The following NEDD4L variants were observed in gnomAD, a reference collection of about 807,000 sequenced individuals.
NEDD4L encodes E3 ubiquitin-protein ligase NEDD4-like.
A neutral mutation model predicts 148.9 loss-of-function variants in NEDD4L; 54 were observed. The observed-to-expected ratio is 0.36, with a 90% CI of 0.29 to 0.45. The LOEUF is 0.45. Among genes scored for constraint, NEDD4L ranks in the 20% least tolerant of loss-of-function variants. The pLI, the probability that NEDD4L is intolerant of heterozygous loss-of-function variation, is 1.00. For missense variants in NEDD4L, 856 were observed against 1,233.8 expected (o/e 0.69, Z 4.59); for synonymous variants, 433 against 440.7 (o/e 0.98, Z 0.22).
At chr18:58,045,614 T>A (rs1302831529) in intron 1 of NEDD4L, 1 of 152,678 alleles carries the variant, frequency 6.5e-6, no homozygotes, top group African/African-American at 2.4e-5. Context: ...CGGCTCTTAT[T>A]GGTATGTTGC....
At chr18:58,224,127 G>A (rs973455613) in intron 2 of NEDD4L, among the ~76,000 whole-genome samples, 5 of 152,188 alleles carry the variant, frequency 3.3e-5, no homozygotes, top group Non-Finnish European at 7.4e-5. Context: ...CATGGAAAAC[G>A]CACCGCTTTC....
At chr18:58,166,090 T>G (rs913411924) in intron 2 of NEDD4L, among the ~76,000 whole-genome samples, 8 of 152,236 alleles carry the variant, frequency 5.3e-5, no homozygotes, top group African/African-American at 1.4e-4. Flanking sequence ...CAGCCTGTTC[T>G]TCACATGGGC....
chr18:58,178,863 TTAAAACTAGGCGTTCATGGTAGGAAAG>T lies in NEDD4L; in HGVS notation c.122+13005_122+13031del, dbSNP rs1275086802. ...TTAAGCTTCTGTGACTTTTAGATGC[TTAAAACTAGGCGTTCATGGTAGGAAAG>T]TAGAGAAACATGTGGAAGAAATACT... On this transcript the variant is annotated intron_variant, in intron 2 of 30. Coordinates refer to ENST00000400345, the MANE Select transcript of NEDD4L (RefSeq NM_001144967.3). 5.3e-5 allele frequency among the ~76,000 whole-genome samples: 8 copies of T among 152,364 alleles called. No individual in the cohort carries two copies. The East Asian group carries it at 1.5e-3, about 29-fold the overall frequency.
At chr18:58,276,033 C>T (rs1248131352) in intron 5 of NEDD4L, among the ~76,000 whole-genome samples, 1 of 152,158 alleles carries the variant, frequency 6.6e-6, no homozygotes, top group Non-Finnish European at 1.5e-5. Flanking sequence ...CCTCTTCTGA[C>T]ACTTTTTAAA....
rs189310922 is a variant in NEDD4L, at chr18:58,204,924, A to T, written c.122+39063A>T. On this transcript the variant is annotated intron_variant, in intron 2 of 30. Coordinates refer to ENST00000400345, the MANE Select transcript of NEDD4L (RefSeq NM_001144967.3). ...AGAGTATGATGAAGAAAGGGAAAAA[A>T]TAGATCAAAAAATGGCAGGGGAGGA... Among the ~76,000 whole-genome samples, 1,074 of 152,312 alleles carry T rather than the reference A, an allele frequency of 7.1e-3. 26 individuals carry two copies. The highest frequency in any genetic ancestry group is 4.7e-3 in the Non-Finnish European group (319 of 68,028).
chr18:58,067,288 G>T (rs1276086877), intron 1 of NEDD4L, among the ~76,000 whole-genome samples: 2 of 152,212 alleles, frequency 1.3e-5, no homozygotes, highest in African/African-American at 2.4e-5. Context: ...ACAAGTGTTT[G>T]AATTTAATTT....
intron 1 of NEDD4L, among the ~76,000 whole-genome samples, chr18:58,054,397 GT>G (rs1751508750): frequency 6.6e-6 from 1 of 152,124 alleles, no homozygotes; most frequent in African/African-American, 2.4e-5. Context: ...ATCTTGCCCA[GT>G]TTGTTTTGGG....
chr18:58,317,075 T>A (rs2058353574), intron 6 of NEDD4L, among the ~76,000 whole-genome samples: 1 of 152,256 alleles, frequency 6.6e-6, no homozygotes, highest in South Asian at 2.1e-4. Context: ...AGGAAGGTGA[T>A]AGCAAGTAAT....
At chr18:58,098,283 C>A (rs2084547157) in intron 1 of NEDD4L, among the ~76,000 whole-genome samples, 1 of 152,040 alleles carries the variant, frequency 6.6e-6, no homozygotes, top group Admixed American at 6.6e-5. Flanking sequence ...TGGGAGGGAC[C>A]CTGCAAGAAG....
chr18:58,231,905 G>A (rs2045287542), intron 2 of NEDD4L, among the ~76,000 whole-genome samples: 1 of 152,168 alleles, frequency 6.6e-6, no homozygotes, highest in African/African-American at 2.4e-5. Flanking sequence ...CCACCTAATA[G>A]AAAGTCGGAA....
Position 58,256,834 on chromosome 18 carries a change from G to T in NEDD4L, c.297+4780G>T. 8.2e-7 allele frequency: 1 copy of T among 1,216,970 alleles called. No individual in the cohort carries two copies. The highest frequency in any genetic ancestry group is 1.0e-6 in the Non-Finnish European group (1 of 974,682). 75.4% of individuals were successfully genotyped at this position (1,216,970 alleles called of 1,614,324 possible). ...TTTCAACTTCGATGCTTACTCTGCG[G>T]CGTAACCAAAATAAAACCTCACCCT... On this transcript the variant is annotated intron_variant, in intron 5 of 30. Coordinates refer to ENST00000400345, the MANE Select transcript of NEDD4L (RefSeq NM_001144967.3). The surrounding 1 kb of genome is among the most constrained non-coding windows in gnomAD (Gnocchi z 5.2).
In NEDD4L at chr18:58,255,871, C is replaced by G. The variant is rs2048460196; in HGVS notation, c.297+3817C>G. 2.4e-6 allele frequency: 3 copies of G among 1,232,284 alleles called. No homozygotes were observed. The African/African-American group carries it at 4.7e-5, about 19-fold the overall frequency. The allele number at this position is 1,232,284 out of a possible 1,614,324, so 76.3% of individuals were successfully genotyped here. On this transcript the variant is annotated intron_variant, in intron 5 of 30. Coordinates refer to ENST00000400345, the MANE Select transcript of NEDD4L (RefSeq NM_001144967.3). ...GCTCGTCCATGTTCATCCCGCAGCT[C>G]TTGACCAGCATCGACGCCCGCCCCA...
Position 58,082,039 on chromosome 18 carries a change from A to G in NEDD4L, c.48+37331A>G, listed in dbSNP as rs538993155. Among the ~76,000 whole-genome samples, 111 of 145,534 alleles carry G rather than the reference A, an allele frequency of 7.6e-4. 3 individuals carry two copies. The South Asian group carries it at 0.022, about 29-fold the overall frequency. On this transcript the variant is annotated intron_variant, in intron 1 of 30. Coordinates refer to ENST00000400345, the MANE Select transcript of NEDD4L (RefSeq NM_001144967.3). ...AAATGATTGTAATCCAGGACTAAATATACAGTTTGCAGTCTTTTTATTCTA... is the reference window on the plus strand; with the variant it reads ...AAATGATTGTAATCCAGGACTAAATGTACAGTTTGCAGTCTTTTTATTCTA...
chr18:58,047,405 G>C, intron 1 of NEDD4L: 1 of 985,072 alleles, frequency 1.0e-6, no homozygotes, highest in Non-Finnish European at 1.2e-6. Flanking sequence ...TCTCTGCACT[G>C]CTGATGATGA....
intron 2 of NEDD4L, among the ~76,000 whole-genome samples, chr18:58,191,793 G>A (rs1200618899): frequency 6.6e-6 from 1 of 152,204 alleles, no homozygotes; most frequent in African/African-American, 2.4e-5. Flanking sequence ...AAACCCCAGT[G>A]CTTCAAGGGG....
At chr18:58,232,158 G>C (rs969582156) in intron 2 of NEDD4L, among the ~76,000 whole-genome samples, 2 of 152,218 alleles carry the variant, frequency 1.3e-5, no homozygotes, top group African/African-American at 4.8e-5. Context: ...TCAAGCATGT[G>C]CTCTGACGAG....
In NEDD4L at chr18:58,370,461, A is replaced by G; in HGVS notation, c.2250A>G (p.Glu750=). ...LGKQITLNDM[E]SVDSEYYNSL... Reference sequence around the variant, plus strand: ...AGCAGATAACCCTGAATGACATGGAATCTGTGGTAAGTAAATGCACGTCAC... The same window carrying G: ...AGCAGATAACCCTGAATGACATGGAGTCTGTGGTAAGTAAATGCACGTCAC... Residue 750 remains glutamate, a synonymous_variant, in exon 23 of 31, where the codon GAA becomes GAG. Coordinates refer to ENST00000400345, the MANE Select transcript of NEDD4L (RefSeq NM_001144967.3). 1 of 1,605,024 alleles carries G rather than the reference A, an allele frequency of 6.2e-7. No homozygotes were observed. The highest frequency in any genetic ancestry group is 1.1e-5 in the South Asian group (1 of 90,904).
At position 58,323,227 on chromosome 18, in the gene NEDD4L, T is replaced by C. The variant is rs200323870; in HGVS notation, c.411-5T>C. 4.0e-5 allele frequency: 63 copies of C among 1,562,580 alleles called. No homozygotes were observed. In the East Asian group the frequency reaches 1.4e-3, roughly 35 times the overall value. ...CTAACCAATTTTCTTCCATTATGTG[T>C]GCAGTCATAAGTCTCGAGTTAAGGG... On this transcript the variant is annotated splice_region_variant and splice_polypyrimidine_tract_variant and intron_variant, in intron 7 of 30. Coordinates refer to ENST00000400345, the MANE Select transcript of NEDD4L (RefSeq NM_001144967.3).
rs577002145 is a variant in NEDD4L, at chr18:58,071,580, C to T, written c.48+26872C>T. On this transcript the variant is annotated intron_variant, in intron 1 of 30. Transcript: ENST00000400345. Reference sequence around the variant, plus strand: ...GACCTGTGTAACATCATCAACCATACCCATAATGGGAGTCCCAGAAGAGGG... The same window carrying T: ...GACCTGTGTAACATCATCAACCATATCCATAATGGGAGTCCCAGAAGAGGG... Among the ~76,000 whole-genome samples the T allele has an allele frequency of 7.9e-5, 12 of 152,212 alleles. No individual in the cohort carries two copies. The South Asian group carries it at 2.3e-3, about 29-fold the overall frequency.
Sources: allele counts gnomAD v4.1 joint callset (sites outside exome capture counted in the v4.1 genomes callset), GRCh38; gene constraint gnomAD v4.1.1; non-coding constraint Gnocchi (gnomAD v3.1); transcripts MANE v1.5; gene names NCBI Gene and HGNC (gene_info 2026-07-23, HGNC 2026-07-21).